Variants in MN1 observed in about 807,000 individuals in gnomAD.
MN1 encodes the protein MN1 proto-oncogene, transcriptional regulator, also known as transcriptional activator MN1.
In MN1, 19 loss-of-function variants were observed where a neutral mutation model predicts 86.9. That is an observed-to-expected ratio of 0.22 (90% confidence interval 0.15 to 0.32). MN1 has a LOEUF of 0.32. MN1 is among the 10% of genes least tolerant of loss of function. The pLI is 1.00. For synonymous variants in MN1, 928 were observed against 849.6 expected, an observed-to-expected ratio of 1.09 and a Z score of -1.60; for missense variants, 1,841 against 1,862.0, an observed-to-expected ratio of 0.99 and a Z score of 0.21.
At chr22:27,772,065 AGGGACGAAAG>A (rs547490677) in intron 1 of MN1, among the ~76,000 whole-genome samples, 2 of 152,318 alleles carry the variant, frequency 1.3e-5, no homozygotes, top group East Asian at 3.9e-4. Context: ...TAAAATAAGG[AGGGACGAAAG>A]GGGCTGTTAT....
intron 1 of MN1, among the ~76,000 whole-genome samples, chr22:27,768,993 C>T (rs1490820781): frequency 1.3e-5 from 2 of 152,086 alleles, no homozygotes; most frequent in African/African-American, 4.8e-5. Context: ...AAGTCTCTCC[C>T]AGTCTGCATC....
chr22:27,787,735 T>G (rs1030902975), intron 1 of MN1, among the ~76,000 whole-genome samples: 8 of 152,116 alleles, frequency 5.3e-5, no homozygotes, highest in African/African-American at 1.9e-4. Context: ...ACCCCCATCA[T>G]CCCTCTTTTA....
intron 1 of MN1, among the ~76,000 whole-genome samples, chr22:27,762,145 C>T (rs1205310286): frequency 6.6e-6 from 1 of 152,176 alleles, no homozygotes; most frequent in Non-Finnish European, 1.5e-5. Context: ...AGATGCAGCC[C>T]TGCACACCCT....
intron 1 of MN1, among the ~76,000 whole-genome samples, chr22:27,765,075 A>G (rs976968902): frequency 1.3e-5 from 2 of 152,256 alleles, no homozygotes; most frequent in African/African-American, 4.8e-5. Flanking sequence ...GGTAACACAT[A>G]AAATTAACCA....
rs777289071 is a variant in MN1, at chr22:27,797,014, A to C, written c.3530T>G (p.Leu1177Arg). ...GCACTCACCCTTCTTGCCACCCTTCAGCCCCAGAGGCTGGTCCTCGGAGAT... is the reference window on the plus strand; with the variant it reads ...GCACTCACCCTTCTTGCCACCCTTCCGCCCCAGAGGCTGGTCCTCGGAGAT... ...FSISEDQPLG[L>R]KGGKKGECAV... Residue 1177 changes from leucine (L) to arginine (R), a missense_variant, in exon 1 of 2, where the codon CTG becomes CGG. By Grantham distance (102) the Leu-to-Arg change is moderately radical. Coordinates refer to ENST00000302326, the MANE Select transcript of MN1 (RefSeq NM_002430.3). The C allele has an allele frequency of 8.1e-6, 13 of 1,612,668 alleles. No homozygotes were observed. The Admixed American group carries it at 2.2e-4, about 27-fold the overall frequency.
chr22:27,760,475 C>A (rs759428962), intron 1 of MN1, among the ~76,000 whole-genome samples: 4 of 152,052 alleles, frequency 2.6e-5, no homozygotes, highest in Non-Finnish European at 5.9e-5. Context: ...TGCCACTGCA[C>A]TCCAGCCAGA....
At chr22:27,790,686 G>T (rs1350257995) in intron 1 of MN1, among the ~76,000 whole-genome samples, 1 of 151,610 alleles carries the variant, frequency 6.6e-6, no homozygotes, top group Non-Finnish European at 1.5e-5. Context: ...GTGGGGGTAG[G>T]TGGGGGGGGA....
Position 27,791,892 on chromosome 22 carries a change from G to A in MN1, c.3781+4871C>T, listed in dbSNP as rs574703945. 10 of 152,270 alleles carry A rather than the reference G, an allele frequency of 6.6e-5. No homozygotes were observed. The South Asian group carries it at 2.1e-3, about 32-fold the overall frequency. The allele number at this position is 152,270 out of a possible 1,614,324, so 9.4% of individuals were successfully genotyped here. A position where few individuals can be genotyped will look rare whatever the true frequency, so the allele number is the denominator to read the frequency against. On this transcript the variant is annotated intron_variant, in intron 1 of 1. Coordinates refer to ENST00000302326, the MANE Select transcript of MN1 (RefSeq NM_002430.3). ...ATTTTCCAGCATAAAGTGAGTTTAG[G>A]AGATCCTGTGAAATCCCAGTGACCC... is the stretch of plus-strand genomic sequence containing the variant.
Position 27,794,499 on chromosome 22 carries a change from C to G in MN1, c.3781+2264G>C, listed in dbSNP as rs573496925. Among the ~76,000 whole-genome samples, 4 of 152,350 alleles carry G rather than the reference C, an allele frequency of 2.6e-5. No individual in the cohort carries two copies. The East Asian group carries it at 7.7e-4, about 29-fold the overall frequency. On this transcript the variant is annotated intron_variant, in intron 1 of 1. Coordinates refer to ENST00000302326, the MANE Select transcript of MN1 (RefSeq NM_002430.3). Reference sequence around the variant, plus strand: ...CCTGATGGAAGTCCCTGTCGCCCCGCATGCAGGGGAGGGCTTCCTTTAGCT... The same window carrying G: ...CCTGATGGAAGTCCCTGTCGCCCCGGATGCAGGGGAGGGCTTCCTTTAGCT...
chr22:27,769,575 C>G (rs930330400), intron 1 of MN1, among the ~76,000 whole-genome samples: 45 of 2,152 alleles, frequency 0.021, no homozygotes, highest in African/African-American at 0.11. Context: ...TTTTTTGAGA[C>G]AGAGTCTCGC....
intron 1 of MN1, among the ~76,000 whole-genome samples, chr22:27,760,212 G>A (rs953660807): frequency 3.3e-5 from 5 of 152,130 alleles, no homozygotes; most frequent in Admixed American, 6.5e-5. Flanking sequence ...GGGAGTAGTG[G>A]CACATGCCTG....
intron 1 of MN1, among the ~76,000 whole-genome samples, chr22:27,786,695 G>T (rs1933138121): frequency 6.6e-6 from 1 of 152,138 alleles, no homozygotes; most frequent in Non-Finnish European, 1.5e-5. Context: ...TTTGCTCAAC[G>T]ACTGGGCTTT....
intron 1 of MN1, among the ~76,000 whole-genome samples, chr22:27,781,297 A>G (rs562350556): frequency 2.0e-3 from 298 of 152,296 alleles, no homozygotes; most frequent in African/African-American, 5.8e-3. Flanking sequence ...TCTTAGCGCT[A>G]TTCACATTTG....
intron 1 of MN1, among the ~76,000 whole-genome samples, chr22:27,752,114 G>A (rs1400775058): frequency 6.6e-6 from 1 of 152,100 alleles, no homozygotes; most frequent in Non-Finnish European, 1.5e-5. Context: ...ACTTTCCTGG[G>A]GTCACACAGC....
chr22:27,775,398 C>T (rs187774512), intron 1 of MN1, among the ~76,000 whole-genome samples: 32 of 152,278 alleles, frequency 2.1e-4, no homozygotes, highest in African/African-American at 7.0e-4. Flanking sequence ...ATGGGCCTCG[C>T]GTCCACTCCA....
intron 1 of MN1, among the ~76,000 whole-genome samples, chr22:27,791,303 C>T (rs1933207863): frequency 6.6e-6 from 1 of 151,978 alleles, no homozygotes; most frequent in Admixed American, 6.6e-5. Flanking sequence ...TCCAAATGTC[C>T]CTCTTCTCAA....
Position 27,797,601 on chromosome 22 carries a change from C to G in MN1, c.2943G>C (p.Ala981=). The change falls in exon 1 of 2, where the codon GCG becomes GCC. Residue 981 remains alanine (A), a synonymous_variant. Transcript: ENST00000302326. ...APGVSPGQQQ[A]SGAAVGGSSA... is the part of the protein sequence containing the mutation. ...AGCTTCCCCCGACGGCTGCGCCTGA[C>G]GCTTGCTGCTGCCCTGGGCTCACCC... 3.1e-6 allele frequency: 5 copies of G among 1,594,522 alleles called. No homozygotes were observed. Among genetic ancestry groups the G allele is most frequent in the Non-Finnish European group, 4.3e-6 (5 of 1,169,954 alleles).
intron 1 of MN1, among the ~76,000 whole-genome samples, chr22:27,753,758 T>C (rs1932784784): frequency 6.6e-6 from 1 of 152,194 alleles, no homozygotes; most frequent in South Asian, 2.1e-4. Flanking sequence ...GCAGGGTTTC[T>C]AGGAACATGG....
In MN1 at chr22:27,800,708, G is replaced by A. The variant is rs1601347961; in HGVS notation, c.-165C>T. ...CCCCGCCTGATGTGAGGGACGGGGG[G>A]CGGGGTATTAGCTCCTCTCCTGAAG... On this transcript the variant is annotated 5_prime_UTR_variant, in exon 1 of 2. Coordinates refer to ENST00000302326, the MANE Select transcript of MN1 (RefSeq NM_002430.3). 2 of 787,374 alleles carry A rather than the reference G, an allele frequency of 2.5e-6. No homozygotes were observed. Among genetic ancestry groups the A allele is most frequent in the East Asian group, 2.7e-5 (1 of 37,186 alleles). The allele number at this position is 787,374 out of a possible 1,614,324, so 48.8% of individuals were successfully genotyped here.
Sources: allele counts gnomAD v4.1 joint callset (sites outside exome capture counted in the v4.1 genomes callset), GRCh38; gene constraint gnomAD v4.1.1; transcripts MANE v1.5; gene names NCBI Gene and HGNC (gene_info 2026-07-23, HGNC 2026-07-21).